The following C5 variants were observed in gnomAD, a reference collection of about 807,000 sequenced individuals.
C5 encodes C3 and PZP-like alpha-2-macroglobulin domain-containing protein 4.
In C5, 140 loss-of-function variants were observed where a neutral mutation model predicts 218.8. The observed-to-expected ratio is 0.64, with a 90% CI of 0.56 to 0.74. The LOEUF (loss-of-function observed/expected upper bound fraction) is 0.74, where lower values mean the gene tolerates loss of function less well. Ranked by LOEUF, C5 falls within the 30% of genes least tolerant of loss-of-function variation. The pLI, the probability that C5 is intolerant of heterozygous loss-of-function variation, is 0.00. For missense variants in C5, 1,700 were observed against 1,969.6 expected, an observed-to-expected ratio of 0.86 and a Z score of 2.59; for synonymous variants, 614 against 682.3, an observed-to-expected ratio of 0.90 and a Z score of 1.56.
At chr9:120,955,878 A>T (rs1226215304) in intron 39 of C5, among the ~76,000 whole-genome samples, 3 of 151,896 alleles carry the variant, frequency 2.0e-5, no homozygotes, top group Non-Finnish European at 4.4e-5. Context: ...CCCGTCTCAA[A>T]AGAAAAAAAA....
intron 26 of C5, 88 bp from the exon 27 acceptor site, chr9:120,982,027 T>C (rs1416152786): frequency 3.3e-6 from 3 of 900,382 alleles, no homozygotes; most frequent in Non-Finnish European, 5.4e-6. Flanking sequence ...TGTTTGTTTG[T>C]TTGAGATGGA....
rs755086719 is a variant in C5, at chr9:121,027,133, G to A, written c.873+27C>T. 9 of 1,200,016 alleles carry A rather than the reference G, an allele frequency of 7.5e-6. No homozygotes were observed. In the South Asian group the frequency reaches 1.1e-4, roughly 15 times the overall value. The allele number at this position is 1,200,016 out of a possible 1,614,324, so 74.3% of individuals were successfully genotyped here. A position where few individuals can be genotyped will look rare whatever the true frequency, so the allele number is the denominator to read the frequency against. On this transcript the variant is annotated intron_variant, in intron 8 of 40. Transcript: ENST00000223642. Reference sequence around the variant, plus strand: ...CTCACCTCTGGATGCATCTGTAGGTGTGAGTGACTGTGTCTTAACATCTTA... The same window carrying A: ...CTCACCTCTGGATGCATCTGTAGGTATGAGTGACTGTGTCTTAACATCTTA...
At chr9:120,969,913 GT>G (rs1165085139) in intron 32 of C5, among the ~76,000 whole-genome samples, 1 of 152,132 alleles carries the variant, frequency 6.6e-6, no homozygotes. Context: ...AAATAACATA[GT>G]CAAAACAATT....
chr9:121,074,667 C>T, the C5 span: 2 of 377,240 alleles, frequency 5.3e-6, no homozygotes, highest in South Asian at 3.8e-5. Flanking sequence ...GTGGCGGCGG[C>T]AGCTTTGTCT....
At chr9:121,025,061 T>C (rs890747786) in intron 9 of C5, among the ~76,000 whole-genome samples, 1 of 152,258 alleles carries the variant, frequency 6.6e-6, no homozygotes, top group African/African-American at 2.4e-5. Context: ...ATAACTTTTA[T>C]TTGTATAGTA....
At chr9:121,036,572 C>T (rs1263158231) in intron 4 of C5, among the ~76,000 whole-genome samples, 1 of 150,392 alleles carries the variant, frequency 6.6e-6, no homozygotes. Context: ...TTACTAGCTT[C>T]ATTTTTTTTT....
In C5 at chr9:120,982,815, C is replaced by T; in HGVS notation, c.3231-1G>A. The stretch of plus-strand genomic sequence containing the variant: ...TACTCTTAAAGCAAAAGCTGTTAAC[C>T]TTTAAGACAAAATCAAATAAATAAA... On this transcript the variant is annotated splice_acceptor_variant, in intron 25 of 40. Transcript: ENST00000223642. LOFTEE classifies it high-confidence loss of function. 6.5e-7 allele frequency: 1 copy of T among 1,544,316 alleles called. No individual in the cohort carries two copies. Among genetic ancestry groups the T allele is most frequent in the Non-Finnish European group, 8.9e-7 (1 of 1,121,850 alleles).
intron 30 of C5, 44 bp downstream of exon 30, chr9:120,974,734 TG>T: frequency 6.6e-7 from 1 of 1,521,502 alleles, no homozygotes; most frequent in Non-Finnish European, 9.1e-7. Flanking sequence ...ATGATTTCAA[TG>T]GTCTCAGCCA....
the C5 span, among the ~76,000 whole-genome samples, chr9:121,061,300 G>A: frequency 9.6e-4 from 146 of 152,240 alleles, no homozygotes; most frequent in African/African-American, 3.4e-3. Context: ...ATTCAAAAAA[G>A]CAGGAAAAAT....
At chr9:121,023,906 T>C (rs922552551) in intron 9 of C5, among the ~76,000 whole-genome samples, 1 of 150,710 alleles carries the variant, frequency 6.6e-6, no homozygotes, top group Non-Finnish European at 1.5e-5. Context: ...CTTACAGAAG[T>C]GGAGGTGGGG....
At chr9:121,066,149 C>T in the C5 span, among the ~76,000 whole-genome samples, 1 of 151,328 alleles carries the variant, frequency 6.6e-6, no homozygotes, top group Non-Finnish European at 1.5e-5. Flanking sequence ...CCCATCTCTA[C>T]TAAAATACAA....
At chr9:121,070,384 G>GATATATATATATATATATAT in the C5 span, among the ~76,000 whole-genome samples, 1 of 72,900 alleles carries the variant, frequency 1.4e-5, no homozygotes, top group African/African-American at 9.2e-5. Flanking sequence ...AAGGAAGGGT[G>GATATATATATATATATATAT]ATATATATAT....
At chr9:120,954,702 C>A (rs1036253568) in intron 39 of C5, among the ~76,000 whole-genome samples, 2 of 152,210 alleles carry the variant, frequency 1.3e-5, no homozygotes, top group Non-Finnish European at 2.9e-5. Flanking sequence ...CTATTAAGTT[C>A]TGGCAGAGTC....
At chr9:121,034,195 C>T (rs946472166) in intron 5 of C5, among the ~76,000 whole-genome samples, 1 of 152,204 alleles carries the variant, frequency 6.6e-6, no homozygotes, top group Non-Finnish European at 1.5e-5. Flanking sequence ...GTTGGGATTA[C>T]AGGCATGAGC....
In C5 at chr9:120,991,277, G is replaced by T; in HGVS notation, c.2855C>A (p.Thr952Asn). The T allele has an allele frequency of 1.3e-6, 2 of 1,593,018 alleles. No homozygotes were observed. Among genetic ancestry groups the T allele is most frequent in the Non-Finnish European group, 1.7e-6 (2 of 1,160,988 alleles). Residue 952 changes from threonine to asparagine, a missense_variant, in exon 23 of 41, where the codon ACC becomes AAC. Physicochemically the swap from Thr to Asn is moderately conservative, Grantham distance 65. Transcript: ENST00000223642. ...VTLDPRGIYG[T>N]ISRRKEFPYR... is the part of the protein sequence containing the mutation. ...TGGGAACTCCTTTCGTCTGCTAATGGTACCTGTAATTTAGAAAATTTGGAT... is the reference window on the plus strand; with the variant it reads ...TGGGAACTCCTTTCGTCTGCTAATGTTACCTGTAATTTAGAAAATTTGGAT...
rs748186071 is a variant in C5, at chr9:121,008,409, T to C, written c.2347A>G (p.Arg783Gly). 4.3e-6 allele frequency: 7 copies of C among 1,609,750 alleles called. No homozygotes were observed. The highest frequency in any genetic ancestry group is 6.0e-6 in the Non-Finnish European group (7 of 1,176,250). Reference sequence around the variant, plus strand: ...GGAAACATGAAAGAAGTATAATACCTTCTGGGAACAAGATGAACTTCCCAC... The same window carrying C: ...GGAAACATGAAAGAAGTATAATACCCTCTGGGAACAAGATGAACTTCCCAC... ...WLWEVHLVPR[R>G]KQLQFALPDS... Residue 783 changes from arginine (R) to glycine (G), a missense_variant and splice_region_variant, in exon 18 of 41, where the codon AGA becomes GGA. Arg to Gly is a moderately radical substitution (Grantham distance 125, BLOSUM62 -2). Transcript: ENST00000223642.
the C5 span, among the ~76,000 whole-genome samples, chr9:121,066,862 G>GAAAAAAAAA: frequency 4.5e-5 from 6 of 134,822 alleles, no homozygotes; most frequent in Admixed American, 7.4e-5. Flanking sequence ...CTCAAAAAAA[G>GAAAAAAAAA]AAAAAAAAAA....
At chr9:120,968,266 A>G (rs902369150) in intron 33 of C5, among the ~76,000 whole-genome samples, 7 of 152,192 alleles carry the variant, frequency 4.6e-5, no homozygotes, top group Non-Finnish European at 1.0e-4. Context: ...AGGTGTGATG[A>G]TGGAAGCAGA....
intron 34 of C5, 126 bp from the exon 35 acceptor site, chr9:120,963,093 T>A: frequency 1.3e-6 from 1 of 794,488 alleles, no homozygotes; most frequent in South Asian, 1.4e-5. Flanking sequence ...GAAGAGCAGT[T>A]CCTCTTCTTG....
Sources: gnomAD v4.1 joint callset for allele counts (sites outside exome capture counted in the v4.1 genomes callset) on GRCh38, gnomAD v4.1.1 for gene constraint, MANE v1.5 for transcripts, NCBI Gene and HGNC (gene_info 2026-07-23, HGNC 2026-07-21) for gene names.